HK1: variants seen among roughly 807,000 people sequenced by gnomAD.
HK1 encodes hexokinase-1.
HK1 carries 28 observed loss-of-function variants against 91.6 expected under a neutral mutation model. That is an observed-to-expected ratio of 0.31 (90% CI 0.23 to 0.42). HK1 has a LOEUF of 0.42. HK1 is among the 10% of genes least tolerant of loss of function. HK1 has a pLI of 1.00. For missense variants in HK1, 770 were observed against 1,219.8 expected (o/e 0.63, Z 5.49); for synonymous variants, 430 against 468.1 (o/e 0.92, Z 1.05).
upstream of HK1, among the ~76,000 whole-genome samples, chr10:69,313,103 T>C (rs902016094): frequency 6.6e-6 from 1 of 152,216 alleles, no homozygotes; most frequent in Non-Finnish European, 1.5e-5. Flanking sequence ...GGAGTAAGAT[T>C]CAGGTACAAG....
At chr10:69,356,434 A>G (rs1849129163) in intron 2 of HK1, among the ~76,000 whole-genome samples, 1 of 152,124 alleles carries the variant, frequency 6.6e-6, no homozygotes, top group African/African-American at 2.4e-5. Context: ...CCTGTCTCAA[A>G]CACAACAACA....
At chr10:69,285,908 C>T (rs1484883260) in intron 2 of HK1, among the ~76,000 whole-genome samples, 2 of 152,192 alleles carry the variant, frequency 1.3e-5, no homozygotes, top group South Asian at 2.1e-4. Flanking sequence ...CCTTCCCCTC[C>T]TCCTACTCCG....
intron 7 of HK1, among the ~76,000 whole-genome samples, chr10:69,371,473 C>A (rs1180511057): frequency 6.6e-6 from 1 of 152,184 alleles, no homozygotes; most frequent in Non-Finnish European, 1.5e-5. Flanking sequence ...GGCATGTATA[C>A]CCTGTTGCAT....
chr10:69,356,101 CACAA>C (rs1222865561), intron 2 of HK1, among the ~76,000 whole-genome samples: 2 of 152,092 alleles, frequency 1.3e-5, no homozygotes, highest in African/African-American at 2.4e-5. Flanking sequence ...ACTCCAAAAG[CACAA>C]ACAATAAAAG....
At chr10:69,271,284 A>G (rs957302145) in intron 1 of HK1, among the ~76,000 whole-genome samples, 2 of 152,166 alleles carry the variant, frequency 1.3e-5, no homozygotes, top group Admixed American at 1.3e-4. Context: ...TCAAGAATAC[A>G]AGAAACCTTG....
intron 3 of HK1, 135 bp from the exon 4 acceptor site, chr10:69,364,648 A>G (rs1849601590): frequency 1.5e-5 from 17 of 1,101,282 alleles, no homozygotes; most frequent in Non-Finnish European, 2.3e-5. Flanking sequence ...CAGGGCCACC[A>G]GGTCCCAGGA....
chr10:69,369,676 G>T lies in HK1; in HGVS notation c.875+52G>T. On this transcript the variant is annotated intron_variant, in intron 7 of 17. Transcript: ENST00000359426. The surrounding 1 kb of genome is among the most constrained non-coding windows in gnomAD (Gnocchi z 4.4). ...CACATATGTGAGTTAGGGGACATTT[G>T]ATGAAAGATTTGGGATGGGAGATGA... 1.3e-6 allele frequency: 2 copies of T among 1,524,148 alleles called. No homozygotes were observed. The highest frequency in any genetic ancestry group is 1.8e-6 in the Non-Finnish European group (2 of 1,108,302). The allele number at this position is 1,524,148 out of a possible 1,614,324, so 94.4% of individuals were successfully genotyped here. A position where few individuals can be genotyped will look rare whatever the true frequency, so the allele number is the denominator to read the frequency against.
rs112501435 is a variant in HK1 at position 69,326,160 on chromosome 10, G to A, written c.63+7150G>A. On this transcript the variant is annotated intron_variant, in intron 1 of 17. Coordinates refer to ENST00000359426, the MANE Select transcript of HK1 (RefSeq NM_000188.3). ...CTTTTTTTTTTTTTAATGGCTTTTT[G>A]TCTCTGGGCATCCTGGAACACTTCG... is the stretch of plus-strand genomic sequence containing the variant. Among the ~76,000 whole-genome samples the A allele has an allele frequency of 2.8e-3, 413 of 145,902 alleles. 2 individuals carry two copies. The highest frequency in any genetic ancestry group is 0.01 in the African/African-American group (401 of 39,890).
intron 1 of HK1, among the ~76,000 whole-genome samples, chr10:69,279,023 C>A (rs1844604997): frequency 6.6e-6 from 1 of 152,178 alleles, no homozygotes; most frequent in Non-Finnish European, 1.5e-5. Context: ...CATCTTTATG[C>A]AAGAAATGTC....
chr10:69,274,533 G>T (rs560654270), intron 1 of HK1, among the ~76,000 whole-genome samples: 1 of 151,738 alleles, frequency 6.6e-6, no homozygotes, highest in Non-Finnish European at 1.5e-5. Flanking sequence ...AGGAGGCAGA[G>T]GTTGCTGCGA....
intron 7 of HK1, among the ~76,000 whole-genome samples, chr10:69,376,142 A>G (rs544203490): frequency 6.6e-6 from 1 of 152,238 alleles, no homozygotes; most frequent in Admixed American, 6.5e-5. Flanking sequence ...TCCCTCGGAG[A>G]AGCTGTTTAC....
chr10:69,368,211 G>A (rs1849804040), intron 4 of HK1, among the ~76,000 whole-genome samples: 1 of 152,252 alleles, frequency 6.6e-6, no homozygotes, highest in South Asian at 2.1e-4. Flanking sequence ...TTTTAAAATA[G>A]GTCTGGCTGC....
At chr10:69,338,386 C>T in intron 1 of HK1, 1 of 1,205,616 alleles carries the variant, frequency 8.3e-7, no homozygotes, top group Non-Finnish European at 1.1e-6. Flanking sequence ...CCATCCCAGC[C>T]TGACCAGACT....
intron 5 of HK1, 74 bp downstream of exon 5, chr10:69,368,705 G>C: frequency 8.4e-7 from 1 of 1,185,456 alleles, no homozygotes; most frequent in Non-Finnish European, 1.3e-6. Context: ...AAACAGACCA[G>C]TGCCCTTCCT....
At chr10:69,306,190 TA>T (rs1170389066) in intron 5 of HK1, among the ~76,000 whole-genome samples, 2 of 151,366 alleles carry the variant, frequency 1.3e-5, no homozygotes, top group Non-Finnish European at 2.9e-5. Flanking sequence ...CCGTCTCTAC[TA>T]AAAATACAAA....
intron 14 of HK1, 171 bp downstream of exon 14, chr10:69,389,467 G>A: frequency 1.6e-6 from 1 of 641,324 alleles, no homozygotes; most frequent in Non-Finnish European, 2.9e-6. Flanking sequence ...CAGAGTCTCT[G>A]GCGGGGGGAG....
At chr10:69,353,203 G>C (rs888206851) in intron 2 of HK1, among the ~76,000 whole-genome samples, 2 of 152,114 alleles carry the variant, frequency 1.3e-5, no homozygotes, top group African/African-American at 4.8e-5. Context: ...CCCCCATGCC[G>C]CCTCCAGGGA....
chr10:69,355,637 A>G (rs1356570036), intron 2 of HK1, among the ~76,000 whole-genome samples: 7 of 151,980 alleles, frequency 4.6e-5, no homozygotes, highest in Non-Finnish European at 1.0e-4. Flanking sequence ...TAAAAATACA[A>G]AAAAATTAGC....
chr10:69,345,495 T>A (rs72805702), intron 2 of HK1, among the ~76,000 whole-genome samples: 5,375 of 152,024 alleles, frequency 0.035, 157 homozygotes, highest in African/African-American at 0.075. Context: ...TGAGGAGAGC[T>A]ATGTAGCAGA....
Sources: allele counts gnomAD v4.1 joint callset (sites outside exome capture counted in the v4.1 genomes callset), GRCh38; gene constraint gnomAD v4.1.1; non-coding constraint Gnocchi (gnomAD v3.1); transcripts MANE v1.5; gene names NCBI Gene and HGNC (gene_info 2026-07-23, HGNC 2026-07-21).